The following PPP4R2 variants were observed in gnomAD, a reference collection of about 807,000 sequenced individuals.
PPP4R2 encodes protein phosphatase 4 regulatory subunit 2.
In PPP4R2, 13 loss-of-function variants were observed where a neutral mutation model predicts 47.2. The ratio of observed to expected loss-of-function variants is 0.28; its 90% confidence interval spans 0.18 to 0.44. The LOEUF (loss-of-function observed/expected upper bound fraction) is 0.44, where lower values mean the gene tolerates loss of function less well. PPP4R2 is among the 20% of genes least tolerant of loss of function. The pLI is 1.00. For missense variants in PPP4R2, 421 were observed against 491.2 expected (o/e 0.86, Z 1.35); for synonymous variants, 151 against 163.3 (o/e 0.92, Z 0.57).
chr3:73,028,529 C>A (rs1275703208), intron 2 of PPP4R2, among the ~76,000 whole-genome samples: 2 of 151,866 alleles, frequency 1.3e-5, no homozygotes, highest in African/African-American at 4.8e-5. Context: ...CAATCTGTGC[C>A]TCCTGGTTTC....
At chr3:73,064,215 A>G (rs1702935487) in intron 7 of PPP4R2, 69 bp downstream of exon 7, 2 of 1,302,660 alleles carry the variant, frequency 1.5e-6, no homozygotes, top group Non-Finnish European at 2.1e-6. Flanking sequence ...ATCAGTACTT[A>G]TCACTTACTA....
Position 73,059,152 on chromosome 3 carries a change from T to TTA in PPP4R2, c.381+26_381+27dup, listed in dbSNP as rs747995806. 7 of 1,232,556 alleles carry TTA rather than the reference T, an allele frequency of 5.7e-6. No individual in the cohort carries two copies. The Admixed American group carries it at 1.4e-4, about 25-fold the overall frequency. 76.4% of individuals were successfully genotyped at this position (1,232,556 alleles called of 1,614,324 possible). ...AAAGGTATTTATTTTATTATTGGAA[T>TTA]TATATTATGCTGTGGTGTAATAGCT... On this transcript the variant is annotated intron_variant, in intron 4 of 8. Transcript: ENST00000356692.
intron 3 of PPP4R2, among the ~76,000 whole-genome samples, chr3:73,055,422 G>C (rs1465501566): frequency 2.0e-5 from 1 of 49,880 alleles, no homozygotes; most frequent in Non-Finnish European, 6.2e-5. Context: ...GGTAGCGTGT[G>C]TGTGTGTGTG....
chr3:73,045,886 G>T (rs1405397469), intron 2 of PPP4R2, among the ~76,000 whole-genome samples: 1 of 152,114 alleles, frequency 6.6e-6, no homozygotes, highest in Non-Finnish European at 1.5e-5. Context: ...AGCTAGTTCA[G>T]CTGGCAGCGG....
intron 2 of PPP4R2, among the ~76,000 whole-genome samples, chr3:73,007,703 G>C (rs970683798): frequency 7.9e-5 from 12 of 152,070 alleles, no homozygotes; most frequent in Non-Finnish European, 1.8e-4. Context: ...TGGCCAGGCT[G>C]GTCTCGAACT....
At chr3:73,029,017 C>G (rs891444810) in intron 2 of PPP4R2, among the ~76,000 whole-genome samples, 30 of 152,310 alleles carry the variant, frequency 2.0e-4, no homozygotes, top group African/African-American at 6.7e-4. Context: ...GTGATCATGG[C>G]TCACTGCAGC....
chr3:73,027,357 A>G (rs1299304708), intron 2 of PPP4R2, among the ~76,000 whole-genome samples: 1 of 152,088 alleles, frequency 6.6e-6, no homozygotes, highest in African/African-American at 2.4e-5. Context: ...CAATCTCCTG[A>G]CCTCATGATC....
At chr3:73,022,328 A>G (rs963943942) in intron 2 of PPP4R2, among the ~76,000 whole-genome samples, 1 of 139,934 alleles carries the variant, frequency 7.1e-6, no homozygotes, top group African/African-American at 2.5e-5. Context: ...AATTTTTTTC[A>G]GTTGATTTTT....
At chr3:73,049,637 A>G (rs1702568959) in intron 3 of PPP4R2, among the ~76,000 whole-genome samples, 1 of 152,010 alleles carries the variant, frequency 6.6e-6, no homozygotes, top group South Asian at 2.1e-4. Context: ...AAACAGGTCA[A>G]ATTATACTGC....
chr3:73,024,411 C>A (rs1702018577), intron 2 of PPP4R2, among the ~76,000 whole-genome samples: 1 of 152,128 alleles, frequency 6.6e-6, no homozygotes, highest in Non-Finnish European at 1.5e-5. Context: ...CTTGTACATT[C>A]TGTAGGGTTA....
rs1178758495 is a variant in PPP4R2 at position 73,066,841 on chromosome 3, G to A, written c.*1119G>A. 6.6e-6 allele frequency: 1 copy of A among 152,080 alleles called. No homozygotes were observed. The highest frequency in any genetic ancestry group is 6.5e-5 in the Admixed American group (1 of 15,274). The allele number at this position is 152,080 out of a possible 1,614,324, so 9.4% of individuals were successfully genotyped here. A position where few individuals can be genotyped will look rare whatever the true frequency, so the allele number is the denominator to read the frequency against. On this transcript the variant is annotated 3_prime_UTR_variant, in exon 9 of 9. Coordinates refer to ENST00000356692, the MANE Select transcript of PPP4R2 (RefSeq NM_174907.4). ...ACCATAATTTGTATGACATTTTGAA[G>A]TGAATTAAATATTTTTGAACATGCT...
intron 2 of PPP4R2, among the ~76,000 whole-genome samples, chr3:73,039,615 T>C (rs2107294435): frequency 6.6e-6 from 1 of 152,336 alleles, no homozygotes; most frequent in South Asian, 2.1e-4. Flanking sequence ...GAACATTTGA[T>C]AATGTTGGGA....
chr3:73,055,410 G>A (rs1379293605), intron 3 of PPP4R2, among the ~76,000 whole-genome samples: 6 of 134,332 alleles, frequency 4.5e-5, no homozygotes, highest in African/African-American at 1.7e-4. Context: ...GTCTCCTAGT[G>A]GGGTAGCGTG....
At chr3:73,043,935 C>CCCAATT (rs1203208726) in intron 2 of PPP4R2, among the ~76,000 whole-genome samples, 5 of 152,204 alleles carry the variant, frequency 3.3e-5, no homozygotes, top group Non-Finnish European at 5.9e-5. Flanking sequence ...CCCACAGTTC[C>CCCAATT]AGACGACTCT....
intron 3 of PPP4R2, among the ~76,000 whole-genome samples, chr3:73,048,596 G>A (rs1243283777): frequency 1.3e-5 from 2 of 152,212 alleles, no homozygotes; most frequent in Admixed American, 1.3e-4. Context: ...AAGGGAAGAA[G>A]TGTTTGTGAA....
intron 3 of PPP4R2, among the ~76,000 whole-genome samples, chr3:73,048,523 G>A (rs1207533243): frequency 6.6e-6 from 1 of 152,172 alleles, no homozygotes; most frequent in Non-Finnish European, 1.5e-5. Context: ...CACAGTGTTG[G>A]GATTACAGGC....
intron 3 of PPP4R2, among the ~76,000 whole-genome samples, chr3:73,055,381 A>G (rs1702710232): frequency 1.3e-5 from 2 of 150,284 alleles, no homozygotes; most frequent in African/African-American, 4.9e-5. Context: ...AGACTCAGGT[A>G]AATTCAGTTT....
Position 73,022,245 on chromosome 3 carries a change from C to G in PPP4R2, c.116+24087C>G, listed in dbSNP as rs139735457. Among the ~76,000 whole-genome samples the G allele has an allele frequency of 6.0e-4, 91 of 152,154 alleles. No individual in the cohort carries two copies. In the East Asian group the frequency reaches 0.017, roughly 28 times the overall value. The stretch of plus-strand genomic sequence containing the variant: ...TTGCTTTTATCAGCATTGGCCTGTA[C>G]AAAATACATTAACTTCATTTTAAAA... On this transcript the variant is annotated intron_variant, in intron 2 of 8. Transcript: ENST00000356692.
intron 3 of PPP4R2, among the ~76,000 whole-genome samples, chr3:73,053,885 G>A (rs1702672088): frequency 7.2e-6 from 1 of 138,342 alleles, no homozygotes; most frequent in Non-Finnish European, 1.5e-5. Context: ...CTCCAGCGTG[G>A]GTGACAGAGC....
Sources: allele counts gnomAD v4.1 joint callset (sites outside exome capture counted in the v4.1 genomes callset), GRCh38; gene constraint gnomAD v4.1.1; transcripts MANE v1.5; gene names NCBI Gene and HGNC (gene_info 2026-07-23, HGNC 2026-07-21).